The following GARNL3 variants were observed in gnomAD, a reference collection of about 807,000 sequenced individuals.
GARNL3 encodes GTPase-activating Rap/Ran-GAP domain-like protein 3.
GARNL3 carries 63 observed loss-of-function variants against 125.0 expected under a neutral mutation model. The ratio of observed to expected loss-of-function variants is 0.50; its 90% CI spans 0.41 to 0.62. GARNL3 has a LOEUF of 0.62. GARNL3 is among the 20% of genes least tolerant of loss of function. The pLI is 0.00. For synonymous variants in GARNL3, 439 were observed against 457.5 expected (o/e 0.96, Z 0.52); for missense variants, 994 against 1,244.0 (o/e 0.80, Z 3.02).
chr9:127,365,716 G>A (rs1170424186), intron 22 of GARNL3, among the ~76,000 whole-genome samples: 1 of 152,192 alleles, frequency 6.6e-6, no homozygotes, highest in East Asian at 1.9e-4. Context: ...CAGCAGGCTC[G>A]GTTATTATCC....
chr9:127,345,169 A>G (rs947357383), intron 15 of GARNL3, among the ~76,000 whole-genome samples: 29 of 152,218 alleles, frequency 1.9e-4, no homozygotes, highest in African/African-American at 7.0e-4. Flanking sequence ...CAGTAATGAT[A>G]TATTGATTCA....
intron 22 of GARNL3, among the ~76,000 whole-genome samples, chr9:127,379,863 AC>A (rs1564195856): frequency 6.6e-6 from 1 of 152,186 alleles, no homozygotes; most frequent in African/African-American, 2.4e-5. Flanking sequence ...GAATAAAAAT[AC>A]TTGAAGGAGA....
At chr9:127,246,133 T>C (rs1161833865) in intron 2 of GARNL3, among the ~76,000 whole-genome samples, 2 of 152,074 alleles carry the variant, frequency 1.3e-5, no homozygotes, top group South Asian at 2.1e-4. Flanking sequence ...AATCAACCCA[T>C]TGGGGAGTGG....
rs773939439 is a variant in GARNL3, at chr9:127,335,212, C to G, written c.770-18C>G. 1 of 1,520,202 alleles carries G rather than the reference C, an allele frequency of 6.6e-7. No individual in the cohort carries two copies. Among genetic ancestry groups the G allele is most frequent in the South Asian group, 1.1e-5 (1 of 88,916 alleles). The allele number at this position is 1,520,202 out of a possible 1,614,324, so 94.2% of individuals were successfully genotyped here. ...TCGAATTCTCTGTGCTCACTGAATG[C>G]ATATTTATATTTTGCAGATGATACC... On this transcript the variant is annotated intron_variant, in intron 9 of 27. Coordinates refer to ENST00000373387, the MANE Select transcript of GARNL3 (RefSeq NM_032293.5).
chr9:127,305,983 C>T (rs1283824750), intron 2 of GARNL3, among the ~76,000 whole-genome samples: 2 of 152,108 alleles, frequency 1.3e-5, no homozygotes, highest in African/African-American at 2.4e-5. Flanking sequence ...TCCCATCTCT[C>T]CCTCTGCGAT....
intron 22 of GARNL3, among the ~76,000 whole-genome samples, chr9:127,379,444 A>G (rs1298823661): frequency 6.6e-6 from 1 of 152,214 alleles, no homozygotes. Context: ...ACTGGCTGAG[A>G]CTGTCAGAGT....
chr9:127,264,092 C>G, upstream of GARNL3: 5 of 813,648 alleles, frequency 6.1e-6, no homozygotes, highest in Non-Finnish European at 9.5e-6. Flanking sequence ...TCTATGTTAT[C>G]GTAGAGTTAT....
chr9:127,344,684 C>T (rs1830044036), intron 15 of GARNL3, among the ~76,000 whole-genome samples: 1 of 152,144 alleles, frequency 6.6e-6, no homozygotes, highest in Non-Finnish European at 1.5e-5. Context: ...GGGAAATGCC[C>T]CTTAAACCCA....
In GARNL3 at chr9:127,393,198, A is replaced by C. The variant is rs1312566914; in HGVS notation, c.2986A>C (p.Ser996Arg). The change falls in exon 28 of 28, where the codon AGC (serine) becomes CGC (arginine). Residue 996 changes from serine to arginine, a missense_variant. By Grantham distance (110) the Ser-to-Arg change is moderately radical. This residue lies in a region of GARNL3 where 728 missense variants were observed against 865.7 expected (regional missense o/e 0.84). Transcript: ENST00000373387. ...CAGAGAGGGCAGCCCGGTCTCCGGCAGCAGCCCCTTCCAGCTCACGGCTTT... is the reference window on the plus strand; with the variant it reads ...CAGAGAGGGCAGCCCGGTCTCCGGCCGCAGCCCCTTCCAGCTCACGGCTTT... ...ADREGSPVSGSSPFQLTAFSD... is the reference protein window; with the variant it reads ...ADREGSPVSGRSPFQLTAFSD... 1.2e-6 allele frequency: 2 copies of C among 1,613,692 alleles called. No homozygotes were observed. The highest frequency in any genetic ancestry group is 3.3e-5 in the Admixed American group (2 of 60,024).
In GARNL3 at chr9:127,388,926, G is replaced by A; in HGVS notation, c.2550G>A (p.Leu850=). The change falls in exon 26 of 28, where the codon CTG becomes CTA. Residue 850 remains leucine, a synonymous_variant. Coordinates refer to ENST00000373387, the MANE Select transcript of GARNL3 (RefSeq NM_032293.5). The part of the protein sequence containing the change: ...LGEGEIQSKN[L]YKIPLRNLVG... ...CAGGTGAAATTCAATCAAAAAATCT[G>A]TACAAGATTCCACTTAGAAACCTCG... The A allele has an allele frequency of 1.2e-6, 2 of 1,609,144 alleles. No individual in the cohort carries two copies. Among genetic ancestry groups the A allele is most frequent in the Non-Finnish European group, 1.7e-6 (2 of 1,175,420 alleles).
chr9:127,350,193 A>G (rs867689963), intron 17 of GARNL3, among the ~76,000 whole-genome samples: 1 of 152,228 alleles, frequency 6.6e-6, no homozygotes, highest in African/African-American at 2.4e-5. Flanking sequence ...TAAATTCAGT[A>G]TGTAATTTTT....
intron 22 of GARNL3, among the ~76,000 whole-genome samples, chr9:127,382,309 AAAT>A (rs937076829): frequency 3.3e-5 from 5 of 152,008 alleles, no homozygotes; most frequent in Non-Finnish European, 5.9e-5. Flanking sequence ...CAAAAATTAA[AAAT>A]AATAATAATA....
Position 127,390,629 on chromosome 9 carries a change from T to C in GARNL3, c.2744-12T>C, listed in dbSNP as rs765906189. ...GTGGTAGTGACCCTCTGACCTATGATTCTCAATCCAGGCCTCTCGGATGAA... is the reference window on the plus strand; with the variant it reads ...GTGGTAGTGACCCTCTGACCTATGACTCTCAATCCAGGCCTCTCGGATGAA... On this transcript the variant is annotated splice_polypyrimidine_tract_variant and intron_variant, in intron 26 of 27. Coordinates refer to ENST00000373387, the MANE Select transcript of GARNL3 (RefSeq NM_032293.5). 6.2e-7 allele frequency: 1 copy of C among 1,613,394 alleles called. No individual in the cohort carries two copies. The highest frequency in any genetic ancestry group is 1.1e-5 in the South Asian group (1 of 91,040).
At chr9:127,353,688 C>A in intron 17 of GARNL3, 158 bp from the exon 18 acceptor site, 1 of 676,162 alleles carries the variant, frequency 1.5e-6, no homozygotes, top group East Asian at 2.7e-5. Flanking sequence ...GAGAATAGTG[C>A]TTGAATGTAT....
rs766255264 is a variant in GARNL3 at position 127,385,145 on chromosome 9, G to C, written c.2388G>C (p.Arg796Ser). ...CGCAGCTGCAGCTGGTGGCCTCCAGGGTGAGTAGGACTGGGATTTTATCTC... is the reference window on the plus strand; with the variant it reads ...CGCAGCTGCAGCTGGTGGCCTCCAGCGTGAGTAGGACTGGGATTTTATCTC... ...VVPQLQLVAS[R>S]SDIYFTATAA... is the part of the protein sequence containing the mutation. Residue 796 changes from arginine to serine, a missense_variant and splice_region_variant, in exon 24 of 28, where the codon AGG becomes AGC. Arg to Ser is a moderately radical substitution (Grantham distance 110). Around this residue, in one of 5 missense-constraint regions of GARNL3, gnomAD observed 728 missense variants for 865.7 expected, o/e 0.84. Transcript: ENST00000373387. This position sits in a 1 kb window ranked among gnomAD's most constrained non-coding sequence, Gnocchi z 4.1. 6.3e-7 allele frequency: 1 copy of C among 1,590,650 alleles called. No individual in the cohort carries two copies. Among genetic ancestry groups the C allele is most frequent in the South Asian group, 1.1e-5 (1 of 88,642 alleles).
chr9:127,350,411 T>C (rs1830362637), intron 17 of GARNL3, among the ~76,000 whole-genome samples: 1 of 152,156 alleles, frequency 6.6e-6, no homozygotes, highest in Non-Finnish European at 1.5e-5. Context: ...TACATAGTGG[T>C]TGGCACATAG....
intron 14 of GARNL3, 38 bp from the exon 15 acceptor site, chr9:127,344,197 A>G: frequency 7.1e-7 from 1 of 1,406,888 alleles, no homozygotes; most frequent in Non-Finnish European, 1.0e-6. Context: ...AGACTTAACA[A>G]CTGTTTGTGG....
In GARNL3 at chr9:127,385,813, T is replaced by C. The variant is rs1832513575; in HGVS notation, c.2388+668T>C. Among the ~76,000 whole-genome samples, 1 of 152,194 alleles carries C rather than the reference T, an allele frequency of 6.6e-6. No individual in the cohort carries two copies. The highest frequency in any genetic ancestry group is 6.5e-5 in the Admixed American group (1 of 15,278). ...TGGTAGGTGACTGCCTATTTGTTCATCTTTGCTGCTGCACTGATGGTTCTG... is the reference window on the plus strand; with the variant it reads ...TGGTAGGTGACTGCCTATTTGTTCACCTTTGCTGCTGCACTGATGGTTCTG... On this transcript the variant is annotated intron_variant, in intron 24 of 27. Transcript: ENST00000373387. This position sits in a 1 kb window ranked among gnomAD's most constrained non-coding sequence, Gnocchi z 4.1.
rs139402754 is a variant in GARNL3 at position 127,303,750 on chromosome 9, G to C, written c.220-7886G>C. On this transcript the variant is annotated intron_variant, in intron 2 of 27. Coordinates refer to ENST00000373387, the MANE Select transcript of GARNL3 (RefSeq NM_032293.5). Reference sequence around the variant, plus strand: ...GTATTTTGTGGATTCCCTGCTTAAAGTCAAATATTTGAGAACATTCAAATA... The same window carrying C: ...GTATTTTGTGGATTCCCTGCTTAAACTCAAATATTTGAGAACATTCAAATA... Among the ~76,000 whole-genome samples the C allele has an allele frequency of 3.2e-4, 49 of 152,250 alleles. No individual in the cohort carries two copies. In the East Asian group the frequency reaches 6.9e-3, roughly 22 times the overall value.
Sources: gnomAD v4.1 joint callset for allele counts (sites outside exome capture counted in the v4.1 genomes callset) on GRCh38, gnomAD v4.1.1 for gene constraint, gnomAD v4.1.1 regional missense constraint, Gnocchi (gnomAD v3.1) non-coding constraint, MANE v1.5 for transcripts, NCBI Gene and HGNC (gene_info 2026-07-23, HGNC 2026-07-21) for gene names.